The following AGPS variants were observed in gnomAD, a reference collection of about 807,000 sequenced individuals.
The protein encoded by AGPS is alkylglycerone phosphate synthase.
AGPS carries 26 observed loss-of-function variants against 90.7 expected under a neutral mutation model. The observed-to-expected ratio is 0.29, with a 90% CI of 0.21 to 0.40. The LOEUF (loss-of-function observed/expected upper bound fraction) is 0.40. Ranked by LOEUF, AGPS falls within the 10% of genes least tolerant of loss-of-function variation. The pLI is 1.00. For missense variants in AGPS, 540 were observed against 816.1 expected, an observed-to-expected ratio of 0.66 and a Z score of 4.12; for synonymous variants, 294 against 285.3, an observed-to-expected ratio of 1.03 and a Z score of -0.31.
intron 10 of AGPS, among the ~76,000 whole-genome samples, chr2:177,473,808 C>T (rs555167474): frequency 2.6e-5 from 4 of 152,220 alleles, no homozygotes; most frequent in Non-Finnish European, 4.4e-5. Flanking sequence ...TTATCTTACA[C>T]TGGGACCATG....
At position 177,470,811 on chromosome 2, in the gene AGPS, AT is replaced by A. The variant is rs1203554740; in HGVS notation, c.1105+2288del. On this transcript the variant is annotated intron_variant, in intron 10 of 19. Coordinates refer to ENST00000264167, the MANE Select transcript of AGPS (RefSeq NM_003659.4). The stretch of plus-strand genomic sequence containing the variant: ...TATTACAAAGTACATGCAACATAGC[AT>A]ACTGATAAAAGAGCATGAACCATGA... Among the ~76,000 whole-genome samples, 24 of 152,284 alleles carry A rather than the reference AT, an allele frequency of 1.6e-4. No homozygotes were observed. The East Asian group carries it at 1.7e-3, about 11-fold the overall frequency.
intron 12 of AGPS, among the ~76,000 whole-genome samples, chr2:177,495,631 G>A (rs1021156067): frequency 6.6e-6 from 1 of 151,962 alleles, no homozygotes; most frequent in African/African-American, 2.4e-5. Flanking sequence ...ATAGCAGCTG[G>A]GTGCAGTGCC....
chr2:177,442,797 A>G (rs1162796445), intron 7 of AGPS, among the ~76,000 whole-genome samples: 3 of 151,146 alleles, frequency 2.0e-5, no homozygotes, highest in South Asian at 4.2e-4. Flanking sequence ...CAGTGAGCCA[A>G]GATCACACCA....
intron 2 of AGPS, 86 bp from the exon 3 acceptor site, chr2:177,434,241 C>G: frequency 1.1e-6 from 1 of 940,550 alleles, no homozygotes; most frequent in Non-Finnish European, 1.7e-6. Flanking sequence ...ATAGTAGCTG[C>G]TTGACCATCA....
intron 14 of AGPS, among the ~76,000 whole-genome samples, chr2:177,500,578 C>A (rs955956743): frequency 1.3e-5 from 2 of 151,526 alleles, no homozygotes; most frequent in African/African-American, 4.8e-5. Flanking sequence ...CTAATATTAG[C>A]CCTTTATTTC....
chr2:177,507,875 A>G (rs1688759291), intron 15 of AGPS, 95 bp from the exon 16 acceptor site: 4 of 915,162 alleles, frequency 4.4e-6, no homozygotes, highest in Non-Finnish European at 7.3e-6. Flanking sequence ...AATGAGAAAC[A>G]TGTGATACTA....
At chr2:177,453,281 T>C (rs951061185) in intron 8 of AGPS, among the ~76,000 whole-genome samples, 5 of 151,974 alleles carry the variant, frequency 3.3e-5, no homozygotes, top group African/African-American at 1.2e-4. Flanking sequence ...TTTTTTTTTT[T>C]TCTTTGAGAC....
At position 177,508,023 on chromosome 2, in the gene AGPS, T is replaced by C; in HGVS notation, c.1599T>C (p.Pro533=). ...VLGESFETSA[P]WDRVVDLCRN... Reference sequence around the variant, plus strand: ...GAGAATCTTTTGAGACTTCTGCTCCTTGGGACAGGTAAAATATACTAAAGT... The same window carrying C: ...GAGAATCTTTTGAGACTTCTGCTCCCTGGGACAGGTAAAATATACTAAAGT... The change falls in exon 16 of 20, where the codon CCT becomes CCC. Residue 533 remains proline (P), a synonymous_variant. Coordinates refer to ENST00000264167, the MANE Select transcript of AGPS (RefSeq NM_003659.4). 1.9e-6 allele frequency: 3 copies of C among 1,611,062 alleles called. No individual in the cohort carries two copies. Among genetic ancestry groups the C allele is most frequent in the Non-Finnish European group, 2.5e-6 (3 of 1,177,366 alleles).
chr2:177,414,833 C>T (rs1405212478), intron 1 of AGPS, among the ~76,000 whole-genome samples: 1 of 151,166 alleles, frequency 6.6e-6, no homozygotes, highest in Non-Finnish European at 1.5e-5. Context: ...TGTGAGGCCT[C>T]TAATTTTCCT....
chr2:177,420,443 A>T, intron 2 of AGPS, 85 bp downstream of exon 2: 1 of 993,942 alleles, frequency 1.0e-6, no homozygotes, highest in Non-Finnish European at 1.6e-6. Flanking sequence ...AAATATAATG[A>T]TTCCTCCTTG....
intron 19 of AGPS, among the ~76,000 whole-genome samples, chr2:177,536,505 G>A (rs1371354434): frequency 1.3e-5 from 2 of 151,902 alleles, no homozygotes; most frequent in African/African-American, 2.4e-5. Context: ...GAGTTGAAGA[G>A]ACCTTATAAA....
At chr2:177,421,316 G>A (rs1173643678) in intron 2 of AGPS, among the ~76,000 whole-genome samples, 1 of 151,954 alleles carries the variant, frequency 6.6e-6, no homozygotes, top group Non-Finnish European at 1.5e-5. Flanking sequence ...ATATCTATTG[G>A]ACATTACTAT....
chr2:177,417,998 G>A (rs1685835029), intron 1 of AGPS, among the ~76,000 whole-genome samples: 1 of 152,006 alleles, frequency 6.6e-6, no homozygotes, highest in South Asian at 2.1e-4. Flanking sequence ...AGATTGGTTT[G>A]GGGGTAATCT....
intron 1 of AGPS, among the ~76,000 whole-genome samples, chr2:177,412,899 G>T (rs1685660233): frequency 6.6e-6 from 1 of 152,120 alleles, no homozygotes; most frequent in South Asian, 2.1e-4. Flanking sequence ...CAGGAACAAT[G>T]GCAAGCCTTT....
chr2:177,442,135 G>A (rs982267217), intron 6 of AGPS, among the ~76,000 whole-genome samples: 3 of 152,222 alleles, frequency 2.0e-5, no homozygotes, highest in Non-Finnish European at 2.9e-5. Context: ...CAAATTGCTA[G>A]GGGCTTCACT....
intron 9 of AGPS, among the ~76,000 whole-genome samples, chr2:177,467,784 T>G (rs534004165): frequency 1.3e-5 from 2 of 152,160 alleles, no homozygotes; most frequent in Non-Finnish European, 2.9e-5. Context: ...CCTAACCACT[T>G]CTGATTCAGA....
chr2:177,458,806 C>T (rs1011727144), intron 8 of AGPS, among the ~76,000 whole-genome samples: 1 of 152,144 alleles, frequency 6.6e-6, no homozygotes, highest in Admixed American at 6.5e-5. Flanking sequence ...ACTTTCTTCA[C>T]AGAATTGGAA....
intron 1 of AGPS, among the ~76,000 whole-genome samples, chr2:177,395,564 A>G (rs2105579848): frequency 6.6e-6 from 1 of 152,372 alleles, no homozygotes; most frequent in Middle Eastern, 3.4e-3. Flanking sequence ...GAGGAACCCA[A>G]GTCTCCCTTC....
At position 177,543,212 on chromosome 2, in the gene AGPS, CA is replaced by C. The variant is rs1400474794; in HGVS notation, c.*5018del. 6.6e-5 allele frequency: 10 copies of C among 152,162 alleles called. No homozygotes were observed. The highest frequency in any genetic ancestry group is 2.4e-4 in the African/African-American group (10 of 41,416). 9.4% of individuals were successfully genotyped at this position (152,162 alleles called of 1,614,324 possible). ...ACTACATTCTTTCTGGATGTTTGCT[CA>C]CAGGCTCCCTGAGGAGCAGAACCTG... On this transcript the variant is annotated 3_prime_UTR_variant, in exon 20 of 20. Coordinates refer to ENST00000264167, the MANE Select transcript of AGPS (RefSeq NM_003659.4).
Sources: allele counts gnomAD v4.1 joint callset (sites outside exome capture counted in the v4.1 genomes callset), GRCh38; gene constraint gnomAD v4.1.1; transcripts MANE v1.5; gene names NCBI Gene and HGNC (gene_info 2026-07-23, HGNC 2026-07-21).